WBP2: variants seen among roughly 807,000 people sequenced by gnomAD.
WBP2 encodes the protein WW domain-binding protein 2.
Under a neutral mutation model 33.0 loss-of-function variants are expected in WBP2, and 23 were observed. That is an observed-to-expected ratio of 0.70 (90% confidence interval 0.50 to 0.99). The LOEUF is 0.99. Among genes scored for constraint, WBP2 ranks in the 50% least tolerant of loss-of-function variants. The pLI is 0.00. For missense variants in WBP2, 353 were observed against 358.0 expected, an observed-to-expected ratio of 0.99 and a Z score of 0.11; for synonymous variants, 153 against 133.5, an observed-to-expected ratio of 1.15 and a Z score of -1.01.
rs991529369 is a variant in WBP2, at chr17:75,854,542, A to G, written c.59+697T>C. Among the ~76,000 whole-genome samples, 6 of 152,136 alleles carry G rather than the reference A, an allele frequency of 3.9e-5. No individual in the cohort carries two copies. The East Asian group carries it at 1.2e-3, about 29-fold the overall frequency. Reference sequence around the variant, plus strand: ...CCAAACCAACAGGCATTCAAGAGAGAGGCAAGGGAATGACTACGGACCCAC... The same window carrying G: ...CCAAACCAACAGGCATTCAAGAGAGGGGCAAGGGAATGACTACGGACCCAC... On this transcript the variant is annotated intron_variant, in intron 1 of 7. Coordinates refer to ENST00000254806, the MANE Select transcript of WBP2 (RefSeq NM_012478.4).
rs753153881 is a variant in WBP2, at chr17:75,851,584, T to C, written c.152A>G (p.Tyr51Cys). The change falls in exon 2 of 8, where the codon TAC (tyrosine) becomes TGC (cysteine). Residue 51 changes from tyrosine (Y) to cysteine (C), a missense_variant. Physicochemically the swap from Tyr to Cys is radical, Grantham distance 194. Coordinates refer to ENST00000254806, the MANE Select transcript of WBP2 (RefSeq NM_012478.4). ...AFKGTKKGTVYLTPYRVIFLS... is the reference protein window; with the variant it reads ...AFKGTKKGTVCLTPYRVIFLS... The stretch of plus-strand genomic sequence containing the variant: ...GCAACTCACCCGGTAAGGGGTAAGG[T>C]AGACAGTGCCTTTCTTGGTCCCTTT... The C allele has an allele frequency of 2.5e-6, 4 of 1,613,364 alleles. No individual in the cohort carries two copies. The highest frequency in any genetic ancestry group is 1.7e-6 in the Non-Finnish European group (2 of 1,179,530).
intron 4 of WBP2, 144 bp from the exon 5 acceptor site, chr17:75,848,074 C>T: frequency 8.6e-7 from 1 of 1,168,508 alleles, no homozygotes; most frequent in Non-Finnish European, 1.2e-6. Context: ...CACCCTCCAC[C>T]CATACTCGGG....
In WBP2 at chr17:75,851,654, C is replaced by T. The variant is rs749493232; in HGVS notation, c.82G>A (p.Val28Met). Reference protein sequence around the residue: ...TESILMSYDHVELTFNDMKNV... With the variant: ...TESILMSYDHMELTFNDMKNV... The stretch of plus-strand genomic sequence containing the variant: ...TTCATGTCATTGAATGTGAGTTCCA[C>T]GTGATCATAGGACATTAGGATGCTG... The change falls in exon 2 of 8, where the codon GTG becomes ATG. Residue 28 changes from valine to methionine, a missense_variant. Coordinates refer to ENST00000254806, the MANE Select transcript of WBP2 (RefSeq NM_012478.4). The T allele has an allele frequency of 5.6e-6, 9 of 1,613,376 alleles. No homozygotes were observed. Among genetic ancestry groups the T allele is most frequent in the African/African-American group, 1.3e-5 (1 of 75,034 alleles).
At chr17:75,854,828 G>A (rs900811559) in intron 1 of WBP2, among the ~76,000 whole-genome samples, 3 of 152,178 alleles carry the variant, frequency 2.0e-5, no homozygotes, top group Admixed American at 6.5e-5. Flanking sequence ...GACAGTAGTA[G>A]ATTATACTGC....
At position 75,848,594 on chromosome 17, in the gene WBP2, G is replaced by A. The variant is rs757358462; in HGVS notation, c.373C>T (p.Arg125Trp). Residue 125 changes from arginine to tryptophan, a missense_variant, in exon 4 of 8, where the codon CGG becomes TGG. By Grantham distance (101) the Arg-to-Trp change is moderately radical. Coordinates refer to ENST00000254806, the MANE Select transcript of WBP2 (RefSeq NM_012478.4). ...TAGGAIEFGQ[R>W]MLQVASQASR... is the part of the protein sequence containing the mutation. ...CCTTGAGATGCCACCTGGAGCATCC[G>A]CTGTCCGAACTCAATGGCGCCCCCT... 18 of 1,613,952 alleles carry A rather than the reference G, an allele frequency of 1.1e-5. No homozygotes were observed. Among genetic ancestry groups the A allele is most frequent in the South Asian group, 3.3e-5 (3 of 91,066 alleles).
rs371425130 is a variant in WBP2, at chr17:75,846,859, C to G, written c.732+49G>C. ...TGGTGCGGTCATCCCCCTGCGGCTC[C>G]CAGCATCTGCGGCTGTGGGGCTGCA... is the stretch of plus-strand genomic sequence containing the variant. On this transcript the variant is annotated intron_variant, in intron 7 of 7. Coordinates refer to ENST00000254806, the MANE Select transcript of WBP2 (RefSeq NM_012478.4). The surrounding 1 kb of genome is among the most constrained non-coding windows in gnomAD (Gnocchi z 4.8). 62 of 1,613,250 alleles carry G rather than the reference C, an allele frequency of 3.8e-5. No individual in the cohort carries two copies. The highest frequency in any genetic ancestry group is 5.2e-5 in the Non-Finnish European group (61 of 1,179,642).
intron 2 of WBP2, among the ~76,000 whole-genome samples, chr17:75,850,666 T>C (rs2065022891): frequency 6.6e-6 from 1 of 152,248 alleles, no homozygotes; most frequent in South Asian, 2.1e-4. Context: ...AACTTGAAAA[T>C]GTGCTCCTCT....
chr17:75,851,636 C>A lies in WBP2; in HGVS notation c.100G>T (p.Asp34Tyr). 6.2e-7 allele frequency: 1 copy of A among 1,613,694 alleles called. No homozygotes were observed. Among genetic ancestry groups the A allele is most frequent in the Non-Finnish European group, 8.5e-7 (1 of 1,179,722 alleles). The change falls in exon 2 of 8, where the codon GAC (aspartate) becomes TAC (tyrosine). Residue 34 changes from aspartate to tyrosine, a missense_variant. Transcript: ENST00000254806. Reference sequence around the variant, plus strand: ...AAGGCTTCTGGCACGTTCTTCATGTCATTGAATGTGAGTTCCACGTGATCA... The same window carrying A: ...AAGGCTTCTGGCACGTTCTTCATGTAATTGAATGTGAGTTCCACGTGATCA... ...SYDHVELTFNDMKNVPEAFKG... is the reference protein window; with the variant it reads ...SYDHVELTFNYMKNVPEAFKG...
Position 75,848,573 on chromosome 17 carries a change from G to C in WBP2, c.394C>G (p.Gln132Glu). ...CTAATCTTCGGAGCCTGGATACCTT[G>C]AGATGCCACCTGGAGCATCCGCTGT... ...FGQRMLQVAS[Q>E]ASRGEVPSGA... The change falls in exon 4 of 8, where the codon CAA (glutamine) becomes GAA (glutamate). Residue 132 changes from glutamine (Q) to glutamate (E), a missense_variant. Transcript: ENST00000254806. 8 of 1,613,726 alleles carry C rather than the reference G, an allele frequency of 5.0e-6. No individual in the cohort carries two copies. Among genetic ancestry groups the C allele is most frequent in the Non-Finnish European group, 6.8e-6 (8 of 1,179,808 alleles).
At chr17:75,853,707 A>G (rs1300620389) in intron 1 of WBP2, among the ~76,000 whole-genome samples, 1 of 152,032 alleles carries the variant, frequency 6.6e-6, no homozygotes, top group Non-Finnish European at 1.5e-5. Context: ...ATATATCACA[A>G]CTTTCTCTGA....
rs374782199 is a variant in WBP2 at position 75,846,803 on chromosome 17, A to T, written c.733-16T>A. The T allele has an allele frequency of 1.3e-6, 2 of 1,581,202 alleles. No individual in the cohort carries two copies. Among genetic ancestry groups the T allele is most frequent in the Non-Finnish European group, 1.7e-6 (2 of 1,161,942 alleles). On this transcript the variant is annotated splice_polypyrimidine_tract_variant and intron_variant, in intron 7 of 7. Coordinates refer to ENST00000254806, the MANE Select transcript of WBP2 (RefSeq NM_012478.4). The surrounding 1 kb of genome is among the most constrained non-coding windows in gnomAD (Gnocchi z 4.8). ...GCGGCTGGCTCTAAAGAAGGGAGAA[A>T]GGAGAGACTTGCATTAGAAGGTTTA...
Position 75,846,805 on chromosome 17 carries a change from G to C in WBP2, c.733-18C>G. 1 of 1,583,618 alleles carries C rather than the reference G, an allele frequency of 6.3e-7. No individual in the cohort carries two copies. Among genetic ancestry groups the C allele is most frequent in the South Asian group, 1.1e-5 (1 of 87,416 alleles). ...GGCTGGCTCTAAAGAAGGGAGAAAG[G>C]AGAGACTTGCATTAGAAGGTTTAAA... On this transcript the variant is annotated intron_variant, in intron 7 of 7. Coordinates refer to ENST00000254806, the MANE Select transcript of WBP2 (RefSeq NM_012478.4). The surrounding 1 kb of genome is among the most constrained non-coding windows in gnomAD (Gnocchi z 4.8).
Position 75,848,377 on chromosome 17 carries a change from GCA to G in WBP2, c.397+191_397+192del, listed in dbSNP as rs2065008096. The G allele has an allele frequency of 2.0e-5, 12 of 611,098 alleles. No homozygotes were observed. The East Asian group carries it at 3.3e-4, about 17-fold the overall frequency. 37.9% of individuals were successfully genotyped at this position (611,098 alleles called of 1,614,324 possible). A position where few individuals can be genotyped will look rare whatever the true frequency, so the allele number is the denominator to read the frequency against. Reference sequence around the variant, plus strand: ...ATCCACCTGCCCCAGGCAGGGAAACGCAGTCTCTGAGGTACAGGACAGAGCTG... The same window carrying G: ...ATCCACCTGCCCCAGGCAGGGAAACGGTCTCTGAGGTACAGGACAGAGCTG... On this transcript the variant is annotated intron_variant, in intron 4 of 7. Coordinates refer to ENST00000254806, the MANE Select transcript of WBP2 (RefSeq NM_012478.4).
Position 75,846,447 on chromosome 17 carries a change from G to C in WBP2, c.*287C>G, listed in dbSNP as rs1196546679. 2.0e-6 allele frequency: 1 copy of C among 495,716 alleles called. No homozygotes were observed. The highest frequency in any genetic ancestry group is 3.6e-6 in the Non-Finnish European group (1 of 276,282). 30.7% of individuals were successfully genotyped at this position (495,716 alleles called of 1,614,324 possible). ...GAGAGTCCCTTCGAGGGGAGAAGCTGAGAGTGAAACAGGAACAGGGGATGC... is the reference window on the plus strand; with the variant it reads ...GAGAGTCCCTTCGAGGGGAGAAGCTCAGAGTGAAACAGGAACAGGGGATGC... On this transcript the variant is annotated 3_prime_UTR_variant, in exon 8 of 8. Coordinates refer to ENST00000254806, the MANE Select transcript of WBP2 (RefSeq NM_012478.4). This position sits in a 1 kb window ranked among gnomAD's most constrained non-coding sequence, Gnocchi z 4.8.
At chr17:75,849,860 C>T in intron 2 of WBP2, 121 bp from the exon 3 acceptor site, 3 of 1,370,370 alleles carry the variant, frequency 2.2e-6, no homozygotes, top group East Asian at 2.4e-5. Flanking sequence ...AGCCCCATGG[C>T]TCTCTCTGTG....
At chr17:75,852,460 T>A (rs192681679) in intron 1 of WBP2, 5,753 of 148,732 alleles carry the variant, frequency 0.039, 273 homozygotes, top group East Asian at 0.12. Context: ...TCTTTATTTT[T>A]TTTTTTTTTT....
At chr17:75,851,426 A>G (rs2065026692) in intron 2 of WBP2, 142 bp downstream of exon 2, 13 of 642,074 alleles carry the variant, frequency 2.0e-5, no homozygotes, top group South Asian at 2.0e-4. Context: ...TGTGACAGAG[A>G]AACAGGCAGA....
chr17:75,855,753 C>T (rs997673280), upstream of WBP2, among the ~76,000 whole-genome samples: 3 of 152,264 alleles, frequency 2.0e-5, no homozygotes, highest in Admixed American at 1.3e-4. Flanking sequence ...CGAATGCGAC[C>T]TGGACATGGC....
At chr17:75,849,886 G>C in intron 2 of WBP2, 147 bp from the exon 3 acceptor site, 1 of 1,181,200 alleles carries the variant, frequency 8.5e-7, no homozygotes, top group Non-Finnish European at 1.2e-6. Flanking sequence ...CACTCCTGGA[G>C]AGAGCTTTGG....
Sources: gnomAD v4.1 joint callset for allele counts (sites outside exome capture counted in the v4.1 genomes callset) on GRCh38, gnomAD v4.1.1 for gene constraint, Gnocchi (gnomAD v3.1) non-coding constraint, MANE v1.5 for transcripts, NCBI Gene and HGNC (gene_info 2026-07-23, HGNC 2026-07-21) for gene names.